ADAMTSL4: variants seen among roughly 807,000 people sequenced by gnomAD.
The protein encoded by ADAMTSL4 is ADAMTS like 4.
ADAMTSL4 carries 97 observed loss-of-function variants against 122.8 expected under a neutral mutation model. That is an observed-to-expected ratio of 0.79 (90% CI 0.67 to 0.93). The LOEUF (loss-of-function observed/expected upper bound fraction) is 0.93, where lower values mean the gene tolerates loss of function less well. Among genes scored for constraint, ADAMTSL4 ranks in the 40% least tolerant of loss-of-function variants. The pLI is 0.00. For missense variants in ADAMTSL4, 1,408 were observed against 1,453.5 expected (o/e 0.97, Z 0.51); for synonymous variants, 592 against 568.0 (o/e 1.04, Z -0.60).
At position 150,554,744 on chromosome 1, in the gene ADAMTSL4, G is replaced by A; in HGVS notation, c.1234+277G>A. On this transcript the variant is annotated intron_variant, in intron 7 of 18. Transcript: ENST00000271643. The surrounding 1 kb of genome is among the most constrained non-coding windows in gnomAD (Gnocchi z 4.0). ...TGGGGGTCAGGTGGCTGTGACACAA[G>A]AGGGCCATGGTGGGAGAGATCCTGT... 7.8e-7 allele frequency: 1 copy of A among 1,286,796 alleles called. No homozygotes were observed. Among genetic ancestry groups the A allele is most frequent in the Non-Finnish European group, 1.1e-6 (1 of 938,266 alleles). 79.7% of individuals were successfully genotyped at this position (1,286,796 alleles called of 1,614,324 possible).
intron 8 of ADAMTSL4, 21 bp downstream of exon 8, chr1:150,555,586 T>C: frequency 6.2e-7 from 1 of 1,607,944 alleles, no homozygotes; most frequent in Middle Eastern, 1.7e-4. Context: ...ACAGTGTGTG[T>C]GTGCACACAC....
chr1:150,556,674 C>A lies in ADAMTSL4; in HGVS notation c.1630C>A (p.Pro544Thr), dbSNP rs1359090103. 6.2e-7 allele frequency: 1 copy of A among 1,614,038 alleles called. No homozygotes were observed. Residue 544 changes from proline to threonine, a missense_variant, in exon 10 of 19, where the codon CCC becomes ACC. Pro to Thr is a conservative substitution (Grantham distance 38). Coordinates refer to ENST00000271643, the MANE Select transcript of ADAMTSL4 (RefSeq NM_019032.6). This position sits in a 1 kb window ranked among gnomAD's most constrained non-coding sequence, Gnocchi z 4.1. The part of the protein sequence containing the change: ...SIINGNWAVD[P>T]PGSYRAGGTV... Reference sequence around the variant, plus strand: ...CATCAATGGGAACTGGGCTGTGGATCCCCCTGGGTCCTACAGGGCCGGCGG... The same window carrying A: ...CATCAATGGGAACTGGGCTGTGGATACCCCTGGGTCCTACAGGGCCGGCGG...
In ADAMTSL4 at chr1:150,556,706, C is replaced by G. The variant is rs1455476069; in HGVS notation, c.1662C>G (p.Val554=). The G allele has an allele frequency of 1.9e-6, 3 of 1,614,022 alleles. No homozygotes were observed. The highest frequency in any genetic ancestry group is 4.5e-5 in the East Asian group (2 of 44,866). The part of the protein sequence containing the change: ...PPGSYRAGGT[V]FRYNRPPREE... ...GGTCCTACAGGGCCGGCGGGACCGT[C>G]TTTCGATATAACCGTCCTCCCAGGG... The change falls in exon 10 of 19, where the codon GTC becomes GTG. Residue 554 remains valine, a synonymous_variant. Transcript: ENST00000271643. The surrounding 1 kb of genome is among the most constrained non-coding windows in gnomAD (Gnocchi z 4.1).
In ADAMTSL4 at chr1:150,556,941, G is replaced by T; in HGVS notation, c.1752G>T (p.Met584Ile). Residue 584 changes from methionine to isoleucine, a missense_variant and splice_region_variant, in exon 11 of 19, where the codon ATG (methionine) becomes ATT (isoleucine). Met to Ile is a conservative substitution (Grantham distance 10, BLOSUM62 1). Coordinates refer to ENST00000271643, the MANE Select transcript of ADAMTSL4 (RefSeq NM_019032.6). The surrounding 1 kb of genome is among the most constrained non-coding windows in gnomAD (Gnocchi z 4.1). ...TCATTATCTTCTCTTCTCCCCAGAT[G>T]ATCTTTCAGGAGGAAAACCCAGGCG... ...GPTTQPVDVY[M>I]IFQEENPGVF... 6.2e-7 allele frequency: 1 copy of T among 1,613,872 alleles called. No homozygotes were observed. Among genetic ancestry groups the T allele is most frequent in the Non-Finnish European group, 8.5e-7 (1 of 1,179,802 alleles).
At position 150,554,369 on chromosome 1, in the gene ADAMTSL4, G is replaced by T. The variant is rs1671782252; in HGVS notation, c.1136G>T (p.Cys379Phe). The T allele has an allele frequency of 6.2e-7, 1 of 1,612,834 alleles. No homozygotes were observed. Residue 379 changes from cysteine to phenylalanine, a missense_variant, in exon 7 of 19, where the codon TGC becomes TTC. Cys to Phe is a radical substitution (Grantham distance 205). Coordinates refer to ENST00000271643, the MANE Select transcript of ADAMTSL4 (RefSeq NM_019032.6). This position sits in a 1 kb window ranked among gnomAD's most constrained non-coding sequence, Gnocchi z 4.0. ...CCTTTGTACCCCTCACCGCAGCCCT[G>T]CCCCCCTGAGCAGCCAGACCCCCGG... ...EQLRACSQAP[C>F]PPEQPDPRAL...
intron 2 of ADAMTSL4, chr1:150,550,408 G>A: frequency 2.3e-6 from 1 of 435,082 alleles, no homozygotes; most frequent in Non-Finnish European, 4.6e-6. Context: ...GGGAGCTCAC[G>A]TCACCCCCAC....
chr1:150,559,274 C>T lies in ADAMTSL4; in HGVS notation c.2764-13C>T, dbSNP rs1338214162. The T allele has an allele frequency of 3.7e-6, 6 of 1,613,854 alleles. No individual in the cohort carries two copies. The highest frequency in any genetic ancestry group is 5.1e-6 in the Non-Finnish European group (6 of 1,179,938). Reference sequence around the variant, plus strand: ...TCCCCTCCCCTCATCACCCTGCCCTCCCCCTACACTAGTGCTCCTCCGAAT... The same window carrying T: ...TCCCCTCCCCTCATCACCCTGCCCTTCCCCTACACTAGTGCTCCTCCGAAT... On this transcript the variant is annotated splice_polypyrimidine_tract_variant and intron_variant, in intron 16 of 18. Coordinates refer to ENST00000271643, the MANE Select transcript of ADAMTSL4 (RefSeq NM_019032.6). This position sits in a 1 kb window ranked among gnomAD's most constrained non-coding sequence, Gnocchi z 4.1.
In ADAMTSL4 at chr1:150,555,570, G is replaced by A. The variant is rs367869978; in HGVS notation, c.1371+5G>A. The stretch of plus-strand genomic sequence containing the variant: ...TGTGTGGCTGGACGCTGTCTGGTGA[G>A]GGAAGACAGTGTGTGTGTGCACACA... On this transcript the variant is annotated splice_donor_5th_base_variant and intron_variant, in intron 8 of 18. Coordinates refer to ENST00000271643, the MANE Select transcript of ADAMTSL4 (RefSeq NM_019032.6). The A allele has an allele frequency of 1.2e-6, 2 of 1,613,816 alleles. No individual in the cohort carries two copies. Among genetic ancestry groups the A allele is most frequent in the African/African-American group, 2.7e-5 (2 of 74,862 alleles).
chr1:150,555,683 A>G (rs1017224925), intron 8 of ADAMTSL4, 118 bp downstream of exon 8: 26 of 1,400,304 alleles, frequency 1.9e-5, no homozygotes, highest in Non-Finnish European at 5.8e-6. Context: ...GCAAGCACAT[A>G]CACACACGCA....
chr1:150,554,232 A>C lies in ADAMTSL4; in HGVS notation c.1131+110A>C, dbSNP rs1671761312. The C allele has an allele frequency of 6.9e-7, 1 of 1,457,440 alleles. No individual in the cohort carries two copies. Among genetic ancestry groups the C allele is most frequent in the African/African-American group, 1.4e-5 (1 of 71,804 alleles). 90.3% of individuals were successfully genotyped at this position (1,457,440 alleles called of 1,614,324 possible). The stretch of plus-strand genomic sequence containing the variant: ...GCACCTGAGGGAGAAGGGCCTTGGC[A>C]TCTGACCACCTCAGGGCAGGGGTCT... On this transcript the variant is annotated intron_variant, in intron 6 of 18. Transcript: ENST00000271643. This position sits in a 1 kb window ranked among gnomAD's most constrained non-coding sequence, Gnocchi z 4.0.
Position 150,554,686 on chromosome 1 carries a change from G to C in ADAMTSL4, c.1234+219G>C, listed in dbSNP as rs1198123291. On this transcript the variant is annotated intron_variant, in intron 7 of 18. Transcript: ENST00000271643. The surrounding 1 kb of genome is among the most constrained non-coding windows in gnomAD (Gnocchi z 4.0). ...TGGGAGGAGGAGGTGTGGGAGACAC[G>C]CTTTGTCCGGACTCCCCTGGGAAGG... 1.3e-6 allele frequency: 2 copies of C among 1,528,120 alleles called. No homozygotes were observed. The highest frequency in any genetic ancestry group is 2.5e-5 in the East Asian group (1 of 40,778). The allele number at this position is 1,528,120 out of a possible 1,614,324, so 94.7% of individuals were successfully genotyped here.
Position 150,552,916 on chromosome 1 carries a change from C to G in ADAMTSL4, c.97C>G (p.Leu33Val), listed in dbSNP as rs764414687. ...TATATAGGTGTTGTCCGGACACTCT[C>G]TTCAGACACCTACAGAGGAGGGCCA... ...LDQEVLSGHS[L>V]QTPTEEGQGP... Residue 33 changes from leucine (L) to valine (V), a missense_variant, in exon 5 of 19, where the codon CTT becomes GTT. Physicochemically the swap from Leu to Val is conservative, Grantham distance 32 (BLOSUM62 1). Transcript: ENST00000271643. The surrounding 1 kb of genome is among the most constrained non-coding windows in gnomAD (Gnocchi z 4.0). 6.2e-7 allele frequency: 1 copy of G among 1,612,814 alleles called. No individual in the cohort carries two copies. Among genetic ancestry groups the G allele is most frequent in the Non-Finnish European group, 8.5e-7 (1 of 1,180,004 alleles).
chr1:150,553,496 C>T lies in ADAMTSL4; in HGVS notation c.505C>T (p.His169Tyr). 1 of 1,613,940 alleles carries T rather than the reference C, an allele frequency of 6.2e-7. No homozygotes were observed. The highest frequency in any genetic ancestry group is 8.5e-7 in the Non-Finnish European group (1 of 1,179,966). Residue 169 changes from histidine (H) to tyrosine (Y), a missense_variant, in exon 6 of 19, where the codon CAC becomes TAC. Transcript: ENST00000271643. ...GAGAGTGCCCTTTGCATTGCCACTG[C>T]ACCGGAACCGCAGGCACCCTCGGAG... ...YGRVPFALPL[H>Y]RNRRHPRSPP...
At position 150,558,077 on chromosome 1, in the gene ADAMTSL4, C is replaced by T. The variant is rs1359481311; in HGVS notation, c.2310C>T (p.Pro770=). ...CCCCGGAGCGCTGTGGACATCTCCC[C>T]CGGCCCAACATCACCCAGTCTTGCC... ...SVPPERCGHL[P]RPNITQSCQL... The change falls in exon 14 of 19, where the codon CCC becomes CCT. Residue 770 remains proline (P), a synonymous_variant. Transcript: ENST00000271643. 6.2e-7 allele frequency: 1 copy of T among 1,613,218 alleles called. No individual in the cohort carries two copies. Among genetic ancestry groups the T allele is most frequent in the Admixed American group, 1.7e-5 (1 of 60,028 alleles).
rs1190948870 is a variant in ADAMTSL4, at chr1:150,554,669, G to A, written c.1234+202G>A. On this transcript the variant is annotated intron_variant, in intron 7 of 18. Transcript: ENST00000271643. The surrounding 1 kb of genome is among the most constrained non-coding windows in gnomAD (Gnocchi z 4.0). ...CTGCAGAAGGGTCGGGGTGGGAGGA[G>A]GAGGTGTGGGAGACACGCTTTGTCC... 9 of 1,535,074 alleles carry A rather than the reference G, an allele frequency of 5.9e-6. No homozygotes were observed. The highest frequency in any genetic ancestry group is 1.7e-4 in the Middle Eastern group (1 of 5,974).
chr1:150,556,639 G>C lies in ADAMTSL4; in HGVS notation c.1595G>C (p.Gly532Ala). Reference protein sequence around the residue: ...SNYLALRGPGGRSIINGNWAV... With the variant: ...SNYLALRGPGARSIINGNWAV... ...CCCGCAGCACTTCGTGGCCCTGGGGGCCGGTCCATCATCAATGGGAACTGG... is the reference window on the plus strand; with the variant it reads ...CCCGCAGCACTTCGTGGCCCTGGGGCCCGGTCCATCATCAATGGGAACTGG... The change falls in exon 10 of 19, where the codon GGC (glycine) becomes GCC (alanine). Residue 532 changes from glycine (G) to alanine (A), a missense_variant. Coordinates refer to ENST00000271643, the MANE Select transcript of ADAMTSL4 (RefSeq NM_019032.6). The surrounding 1 kb of genome is among the most constrained non-coding windows in gnomAD (Gnocchi z 4.1). The C allele has an allele frequency of 6.2e-7, 1 of 1,614,030 alleles. No homozygotes were observed. The highest frequency in any genetic ancestry group is 8.5e-7 in the Non-Finnish European group (1 of 1,180,000).
rs754447633 is a variant in ADAMTSL4, at chr1:150,556,464, G to A, written c.1576+98G>A. ...GCAAGCCAAACAGGGGGAAGTCCAG[G>A]GCCTAGCCCCTCCCCTCGTGGAAGG... On this transcript the variant is annotated intron_variant, in intron 9 of 18. Transcript: ENST00000271643. This position sits in a 1 kb window ranked among gnomAD's most constrained non-coding sequence, Gnocchi z 4.1. 4.4e-4 allele frequency: 688 copies of A among 1,575,328 alleles called. No individual in the cohort carries two copies. The highest frequency in any genetic ancestry group is 5.7e-4 in the Non-Finnish European group (659 of 1,151,334).
Position 150,553,875 on chromosome 1 carries a change from CAG to C in ADAMTSL4, c.885_886del (p.Gly296GlufsTer4), listed in dbSNP as rs1347061063. The stretch of plus-strand genomic sequence containing the variant: ...CAGGGTTGGGCCAGTCCCCAGGTAG[CAG>C]GGAGACGCCCTGATCCTTTTCCTTC... On this transcript the variant is annotated frameshift_variant, in exon 6 of 19. Coordinates refer to ENST00000271643, the MANE Select transcript of ADAMTSL4 (RefSeq NM_019032.6). LOFTEE classifies it high-confidence loss of function. 3 of 1,613,912 alleles carry C rather than the reference CAG, an allele frequency of 1.9e-6. No individual in the cohort carries two copies. Among genetic ancestry groups the C allele is most frequent in the Non-Finnish European group, 2.5e-6 (3 of 1,179,998 alleles).
At position 150,558,468 on chromosome 1, in the gene ADAMTSL4, C is replaced by G. The variant is rs1672433803; in HGVS notation, c.2383-5C>G. 1.9e-6 allele frequency: 3 copies of G among 1,613,346 alleles called. No individual in the cohort carries two copies. In the South Asian group the frequency reaches 3.3e-5, roughly 18 times the overall value. On this transcript the variant is annotated splice_polypyrimidine_tract_variant and splice_region_variant and intron_variant, in intron 14 of 18. Transcript: ENST00000271643. ...CAGCTCCCTGGATTCCCCTCGCCCC[C>G]TCAGTGCTCCGTGCGGTGCGGCCGG...
Sources: gnomAD v4.1 joint callset for allele counts on GRCh38, gnomAD v4.1.1 for gene constraint, Gnocchi (gnomAD v3.1) non-coding constraint, MANE v1.5 for transcripts, NCBI Gene and HGNC (gene_info 2026-07-23, HGNC 2026-07-21) for gene names.